The following LRRC7 variants were observed in gnomAD, a reference collection of about 807,000 sequenced individuals.
LRRC7 encodes leucine rich repeat containing 7, also known as leucine-rich repeat-containing protein 7.
LRRC7 carries 23 observed loss-of-function variants against 175.7 expected under a neutral mutation model. The ratio of observed to expected loss-of-function variants is 0.13; its 90% CI spans 0.09 to 0.19. LRRC7 has a LOEUF of 0.19. LRRC7 is among the 10% of genes least tolerant of loss of function. LRRC7 has a pLI of 1.00. For missense variants in LRRC7, 1,354 were observed against 1,904.7 expected, an observed-to-expected ratio of 0.71 and a Z score of 5.38; for synonymous variants, 685 against 680.9, an observed-to-expected ratio of 1.01 and a Z score of -0.09.
At chr1:69,951,050 C>G (rs1277958999) in intron 8 of LRRC7, among the ~76,000 whole-genome samples, 1 of 148,636 alleles carries the variant, frequency 6.7e-6, no homozygotes, top group African/African-American at 2.5e-5. Context: ...ATGCATCTGA[C>G]AAAGGTCTAA....
chr1:69,814,088 CAGA>C (rs1397452920), intron 4 of LRRC7, among the ~76,000 whole-genome samples: 2 of 151,956 alleles, frequency 1.3e-5, no homozygotes, highest in African/African-American at 4.8e-5. Context: ...GAGGACCAGA[CAGA>C]AGATTACAAA....
At chr1:69,636,022 TATTAA>T (rs1279489423) in intron 1 of LRRC7, among the ~76,000 whole-genome samples, 1 of 152,004 alleles carries the variant, frequency 6.6e-6, no homozygotes, top group Non-Finnish European at 1.5e-5. Context: ...GTAGGTAAAA[TATTAA>T]ATTGAAAAAG....
rs961667391 is a variant in LRRC7 at position 70,133,373 on chromosome 1, A to G, written c.*11486A>G. 5.9e-5 allele frequency among the ~76,000 whole-genome samples: 9 copies of G among 152,046 alleles called. No homozygotes were observed. In the South Asian group the frequency reaches 8.3e-4, roughly 14 times the overall value. On this transcript the variant is annotated 3_prime_UTR_variant, in exon 27 of 27. Transcript: ENST00000651989. The stretch of plus-strand genomic sequence containing the variant: ...GTAGCTGGGACTACAGGCATGCACC[A>G]CCACGCCCGGCTAATTTTTGTATTT...
intron 1 of LRRC7, among the ~76,000 whole-genome samples, chr1:69,659,224 T>C (rs1211214207): frequency 3.3e-5 from 5 of 151,778 alleles, no homozygotes; most frequent in Non-Finnish European, 7.4e-5. Flanking sequence ...GAGAGGTTGC[T>C]GAGCCAGAAA....
At chr1:69,629,781 T>C (rs896600660) in intron 1 of LRRC7, among the ~76,000 whole-genome samples, 1 of 152,188 alleles carries the variant, frequency 6.6e-6, no homozygotes, top group Non-Finnish European at 1.5e-5. Flanking sequence ...AATGCATAGA[T>C]TGATGCTATT....
chr1:70,091,641 G>T (rs1156823237), intron 25 of LRRC7, among the ~76,000 whole-genome samples: 1 of 152,178 alleles, frequency 6.6e-6, no homozygotes, highest in African/African-American at 2.4e-5. Flanking sequence ...TCAAATCATT[G>T]CCTGCAATTC....
At chr1:69,851,705 G>A (rs1557809889) in intron 7 of LRRC7, among the ~76,000 whole-genome samples, 2 of 152,176 alleles carry the variant, frequency 1.3e-5, no homozygotes, top group African/African-American at 4.8e-5. Flanking sequence ...AGAACTCTGA[G>A]AGTGGGAAAG....
At chr1:69,632,229 A>G (rs1047525089) in intron 1 of LRRC7, among the ~76,000 whole-genome samples, 4 of 152,076 alleles carry the variant, frequency 2.6e-5, no homozygotes, top group Non-Finnish European at 5.9e-5. Flanking sequence ...CCCTCCAGCA[A>G]TGATCACATT....
At chr1:69,807,812 T>C (rs1181541447) in intron 4 of LRRC7, among the ~76,000 whole-genome samples, 1 of 152,000 alleles carries the variant, frequency 6.6e-6, no homozygotes, top group African/African-American at 2.4e-5. Context: ...TTTGTGGTGT[T>C]CTCTGTATTT....
In LRRC7 at chr1:70,097,531, T is replaced by C. The variant is rs532141334; in HGVS notation, c.4545+7712T>C. ...ATTGTTCTGGTTAGTTACATACGTA[T>C]ACATGTGCCATGCTGGTGCGCTGCA... On this transcript the variant is annotated intron_variant, in intron 25 of 26. Transcript: ENST00000651989. 1.1e-4 allele frequency among the ~76,000 whole-genome samples: 16 copies of C among 152,068 alleles called. No individual in the cohort carries two copies. In the South Asian group the frequency reaches 3.3e-3, roughly 32 times the overall value.
At position 70,128,378 on chromosome 1, in the gene LRRC7, G is replaced by T. The variant is rs1235539240; in HGVS notation, c.*6491G>T. 2.0e-5 allele frequency among the ~76,000 whole-genome samples: 3 copies of T among 149,490 alleles called. No individual in the cohort carries two copies. In the Admixed American group the frequency reaches 2.0e-4, roughly 10 times the overall value. On this transcript the variant is annotated 3_prime_UTR_variant, in exon 27 of 27. Coordinates refer to ENST00000651989, the MANE Select transcript of LRRC7 (RefSeq NM_001370785.2). Reference sequence around the variant, plus strand: ...TTTGAAAGTGTATTTTTTTATCACTGTTGCACAAGTGTATTGTTTGTGCTT... The same window carrying T: ...TTTGAAAGTGTATTTTTTTATCACTTTTGCACAAGTGTATTGTTTGTGCTT...
At chr1:69,937,694 C>T (rs1648190780) in intron 8 of LRRC7, among the ~76,000 whole-genome samples, 1 of 151,890 alleles carries the variant, frequency 6.6e-6, no homozygotes, top group African/African-American at 2.4e-5. Context: ...TACCTATTTG[C>T]TCTGTCTCTT....
rs149161480 is a variant in LRRC7 at position 69,886,485 on chromosome 1, T to A, written c.648-45022T>A. Among the ~76,000 whole-genome samples the A allele has an allele frequency of 8.5e-3, 1,290 of 152,252 alleles. 12 individuals carry two copies. Among genetic ancestry groups the A allele is most frequent in the Non-Finnish European group, 0.011 (768 of 68,020 alleles). The stretch of plus-strand genomic sequence containing the variant: ...CATTTGTTTGGTAGATCTTCCTCCA[T>A]CCTTTTATTTTGAGCTTATGTGTGT... On this transcript the variant is annotated intron_variant, in intron 7 of 26. Coordinates refer to ENST00000651989, the MANE Select transcript of LRRC7 (RefSeq NM_001370785.2).
chr1:70,022,676 C>T (rs563705352), intron 16 of LRRC7, among the ~76,000 whole-genome samples: 1 of 152,212 alleles, frequency 6.6e-6, no homozygotes, highest in East Asian at 1.9e-4. Flanking sequence ...ATGCCATTGG[C>T]TATTGGACAA....
intron 3 of LRRC7, among the ~76,000 whole-genome samples, chr1:69,765,498 T>C (rs1181599216): frequency 2.6e-5 from 4 of 152,114 alleles, no homozygotes; most frequent in Non-Finnish European, 4.4e-5. Context: ...CCAAGCTCTT[T>C]GTGAATATTT....
intron 2 of LRRC7, among the ~76,000 whole-genome samples, chr1:69,750,221 T>C (rs1669714963): frequency 6.6e-6 from 1 of 151,866 alleles, no homozygotes; most frequent in Non-Finnish European, 1.5e-5. Context: ...GGTAAAAAAA[T>C]ACAGTTAAGA....
intron 25 of LRRC7, among the ~76,000 whole-genome samples, chr1:70,094,156 T>C (rs1664224902): frequency 1.3e-5 from 2 of 152,122 alleles, no homozygotes; most frequent in South Asian, 4.1e-4. Flanking sequence ...ACTCATAGTA[T>C]CAAAATGAAA....
At chr1:69,631,327 T>G (rs1652460257) in intron 1 of LRRC7, among the ~76,000 whole-genome samples, 1 of 152,150 alleles carries the variant, frequency 6.6e-6, no homozygotes, top group Non-Finnish European at 1.5e-5. Context: ...CCTACCCATT[T>G]TGGTCCTTGC....
intron 1 of LRRC7, among the ~76,000 whole-genome samples, chr1:69,569,463 G>T (rs962353649): frequency 6.6e-6 from 1 of 151,994 alleles, no homozygotes; most frequent in African/African-American, 2.4e-5. Context: ...ACGTGTTTCG[G>T]ATTCGACGTG....
Sources: allele counts gnomAD v4.1 joint callset (sites outside exome capture counted in the v4.1 genomes callset), GRCh38; gene constraint gnomAD v4.1.1; transcripts MANE v1.5; gene names NCBI Gene and HGNC (gene_info 2026-07-23, HGNC 2026-07-21).